The following TLL1 variants were observed in gnomAD, a reference collection of about 807,000 sequenced individuals.
TLL1 encodes tolloid-like protein 1.
TLL1 carries 49 observed loss-of-function variants against 128.2 expected under a neutral mutation model. The observed-to-expected ratio is 0.38, with a 90% CI of 0.30 to 0.48. The LOEUF (loss-of-function observed/expected upper bound fraction) is 0.48. Among genes scored for constraint, TLL1 ranks in the 20% least tolerant of loss-of-function variants. The pLI is 0.96. For synonymous variants in TLL1, 454 were observed against 418.8 expected, an observed-to-expected ratio of 1.08 and a Z score of -1.03; for missense variants, 1,123 against 1,242.0, an observed-to-expected ratio of 0.90 and a Z score of 1.44.
chr4:165,946,250 G>C (rs1448021167), intron 1 of TLL1, among the ~76,000 whole-genome samples: 1 of 152,094 alleles, frequency 6.6e-6, no homozygotes, highest in Non-Finnish European at 1.5e-5. Context: ...CTCAAGATCA[G>C]CCTTGTAAGA....
At chr4:166,100,699 T>C (rs779528166) in intron 20 of TLL1, 43 bp from the exon 21 acceptor site, 1 of 1,611,222 alleles carries the variant, frequency 6.2e-7, no homozygotes, top group Admixed American at 1.7e-5. Context: ...AGTGATTCGT[T>C]TTATTGCTTG....
rs913589897 is a variant in TLL1, at chr4:166,102,846, T to A, written c.*1970T>A. On this transcript the variant is annotated 3_prime_UTR_variant, in exon 21 of 21. Coordinates refer to ENST00000061240, the MANE Select transcript of TLL1 (RefSeq NM_012464.5). ...CTATTGCCTGCAATGTAGATGAGCC[T>A]TTTAGTAGAGCTGATTTATTCCAGT... The A allele has an allele frequency of 6.6e-6, 1 of 151,952 alleles. No homozygotes were observed. Among genetic ancestry groups the A allele is most frequent in the Non-Finnish European group, 1.5e-5 (1 of 67,896 alleles). 9.4% of individuals were successfully genotyped at this position (151,952 alleles called of 1,614,324 possible).
chr4:166,041,285 A>ATTCT (rs113498318), intron 10 of TLL1, among the ~76,000 whole-genome samples: 33 of 143,796 alleles, frequency 2.3e-4, no homozygotes, highest in South Asian at 6.5e-4. Flanking sequence ...CTGAGAGCAC[A>ATTCT]TTCTTTCTTT....
intron 1 of TLL1, among the ~76,000 whole-genome samples, chr4:165,882,134 A>G (rs1208858686): frequency 6.6e-6 from 1 of 152,164 alleles, no homozygotes; most frequent in Non-Finnish European, 1.5e-5. Context: ...AACTTGTCTA[A>G]AAGCCTAAGG....
At chr4:165,948,506 C>A (rs961701761) in intron 1 of TLL1, among the ~76,000 whole-genome samples, 9 of 152,052 alleles carry the variant, frequency 5.9e-5, no homozygotes, top group African/African-American at 1.9e-4. Context: ...TTGTTTCTTA[C>A]AGTTATGGAG....
At chr4:165,922,351 G>A (rs1733075853) in intron 1 of TLL1, among the ~76,000 whole-genome samples, 1 of 152,174 alleles carries the variant, frequency 6.6e-6, no homozygotes, top group Non-Finnish European at 1.5e-5. Context: ...GAGTGGTTTA[G>A]AAAGCTCAAT....
chr4:166,025,098 A>T (rs1188483446), intron 8 of TLL1, among the ~76,000 whole-genome samples: 1 of 152,152 alleles, frequency 6.6e-6, no homozygotes, highest in African/African-American at 2.4e-5. Context: ...TATTTCTCTT[A>T]TAATCTTATT....
chr4:165,959,475 A>G (rs1734987470), intron 1 of TLL1, among the ~76,000 whole-genome samples: 1 of 151,892 alleles, frequency 6.6e-6, no homozygotes, highest in South Asian at 2.1e-4. Context: ...TTTTAACTCA[A>G]CACTTGGCCA....
chr4:165,896,157 C>T (rs1281190843), intron 1 of TLL1, among the ~76,000 whole-genome samples: 1 of 152,074 alleles, frequency 6.6e-6, no homozygotes, highest in African/African-American at 2.4e-5. Context: ...TGTTCAATTC[C>T]AGCTTATGAG....
In TLL1 at chr4:166,103,571, G is replaced by A. The variant is rs940685836; in HGVS notation, c.*2695G>A. 6.6e-5 allele frequency: 10 copies of A among 151,812 alleles called. No homozygotes were observed. Among genetic ancestry groups the A allele is most frequent in the African/African-American group, 2.4e-4 (10 of 41,398 alleles). The allele number at this position is 151,812 out of a possible 1,614,324, so 9.4% of individuals were successfully genotyped here. ...AGGTATTTAGAAGGCATATAGAGATGTTGTCATAACTAGGTCTTCAACGTG... is the reference window on the plus strand; with the variant it reads ...AGGTATTTAGAAGGCATATAGAGATATTGTCATAACTAGGTCTTCAACGTG... On this transcript the variant is annotated 3_prime_UTR_variant, in exon 21 of 21. Coordinates refer to ENST00000061240, the MANE Select transcript of TLL1 (RefSeq NM_012464.5).
intron 7 of TLL1, among the ~76,000 whole-genome samples, chr4:166,011,897 T>C (rs933238681): frequency 1.8e-4 from 28 of 151,520 alleles, no homozygotes; most frequent in African/African-American, 6.8e-4. Flanking sequence ...ATCATATGGT[T>C]TTTGTTCTTT....
intron 1 of TLL1, among the ~76,000 whole-genome samples, chr4:165,923,044 A>T (rs1733103969): frequency 6.6e-6 from 1 of 152,204 alleles, no homozygotes; most frequent in South Asian, 2.1e-4. Context: ...GCCCCTTCTG[A>T]GCCAAAGAAT....
chr4:166,029,211 G>A (rs963071635), intron 9 of TLL1, among the ~76,000 whole-genome samples: 1 of 151,590 alleles, frequency 6.6e-6, no homozygotes, highest in Non-Finnish European at 1.5e-5. Flanking sequence ...AGTTTTAAAT[G>A]TATACTCTAT....
chr4:166,065,940 T>A (rs947618134), intron 16 of TLL1, 77 bp downstream of exon 16: 2 of 1,010,494 alleles, frequency 2.0e-6, no homozygotes, highest in African/African-American at 5.2e-5. Flanking sequence ...GTGATCTATT[T>A]TTCATAGTTT....
intron 1 of TLL1, among the ~76,000 whole-genome samples, chr4:165,967,156 T>G (rs1450733408): frequency 3.3e-5 from 5 of 152,226 alleles, no homozygotes; most frequent in Admixed American, 6.5e-5. Flanking sequence ...GAAATATGAC[T>G]CTGTTCTGTC....
intron 1 of TLL1, among the ~76,000 whole-genome samples, chr4:165,891,286 T>C (rs1202621518): frequency 2.0e-5 from 3 of 150,400 alleles, no homozygotes; most frequent in Non-Finnish European, 4.4e-5. Flanking sequence ...TTTGGCTCCT[T>C]GTTACTTATG....
Position 166,016,906 on chromosome 4 carries a change from A to G in TLL1, c.1042+2346A>G, listed in dbSNP as rs962417972. Among the ~76,000 whole-genome samples the G allele has an allele frequency of 3.3e-5, 5 of 151,696 alleles. No homozygotes were observed. The Admixed American group carries it at 3.3e-4, about 10-fold the overall frequency. The stretch of plus-strand genomic sequence containing the variant: ...AATTTTAGTTCCCCAAATCTTTGGG[A>G]ATGACTTTTTCTTCTATCTTGGCCT... On this transcript the variant is annotated intron_variant, in intron 8 of 20. Transcript: ENST00000061240.
intron 1 of TLL1, 61 bp from the exon 2 acceptor site, chr4:165,989,320 C>A: frequency 1.6e-6 from 2 of 1,212,790 alleles, no homozygotes; most frequent in Non-Finnish European, 2.4e-6. Flanking sequence ...TTCTAATTAG[C>A]TTTGTGTGTA....
intron 12 of TLL1, among the ~76,000 whole-genome samples, chr4:166,050,383 T>A (rs1024148507): frequency 6.6e-6 from 1 of 152,186 alleles, no homozygotes; most frequent in Non-Finnish European, 1.5e-5. Flanking sequence ...TTGGCTATTG[T>A]GAAAATGCTG....
Sources: gnomAD v4.1 joint callset for allele counts (sites outside exome capture counted in the v4.1 genomes callset) on GRCh38, gnomAD v4.1.1 for gene constraint, MANE v1.5 for transcripts, NCBI Gene and HGNC (gene_info 2026-07-23, HGNC 2026-07-21) for gene names.